Variants in ZNF546 observed in about 807,000 individuals in gnomAD.
The protein encoded by ZNF546 is zinc finger protein 546, also known as CTC-471F3.6.
Under a neutral mutation model 76.2 loss-of-function variants are expected in ZNF546, and 60 were observed. The observed-to-expected ratio is 0.79, with a 90% confidence interval of 0.64 to 0.98. The LOEUF (loss-of-function observed/expected upper bound fraction) is 0.98. Among genes scored for constraint, ZNF546 ranks in the 50% least tolerant of loss-of-function variants. The pLI is 0.00. For synonymous variants in ZNF546, 277 were observed against 328.1 expected (o/e 0.84, Z 1.68); for missense variants, 936 against 1,035.6 (o/e 0.90, Z 1.32).
chr19:40,002,738 C>T (rs1020397415), intron 3 of ZNF546, among the ~76,000 whole-genome samples: 2 of 147,940 alleles, frequency 1.4e-5, no homozygotes, highest in African/African-American at 5.1e-5. Flanking sequence ...CTCACTCTGT[C>T]GCCCAGGCTG....
At chr19:40,008,701 G>A (rs889489550) in intron 6 of ZNF546, 136 bp downstream of exon 6, 45 of 536,068 alleles carry the variant, frequency 8.4e-5, no homozygotes, top group South Asian at 1.2e-4. Flanking sequence ...ACTGATACCT[G>A]GGAAGCATTC....
chr19:40,014,982 A>G lies in ZNF546; in HGVS notation c.1712A>G (p.His571Arg). ...AFIHSNQFISHQRIHTSESTY... is the reference protein window; with the variant it reads ...AFIHSNQFISRQRIHTSESTY... ...ATTCATAGCAATCAATTTATTTCAC[A>G]CCAGCGAATTCACACCAGTGAGAGC... The change falls in exon 7 of 7, where the codon CAC (histidine) becomes CGC (arginine). Residue 571 changes from histidine (H) to arginine (R), a missense_variant. Transcript: ENST00000347077. 6.2e-7 allele frequency: 1 copy of G among 1,614,150 alleles called. No individual in the cohort carries two copies. Among genetic ancestry groups the G allele is most frequent in the South Asian group, 1.1e-5 (1 of 91,080 alleles).
chr19:40,012,959 AC>A lies in ZNF546; in HGVS notation c.395-703del, dbSNP rs1296597790. ...CTCCCGAGTAGCTGGGACTACAGGC[AC>A]CCGCCACCACGCCTGGCTAATTTTT... On this transcript the variant is annotated intron_variant, in intron 6 of 6. Coordinates refer to ENST00000347077, the MANE Select transcript of ZNF546 (RefSeq NM_178544.5). Among the ~76,000 whole-genome samples, 3 of 151,578 alleles carry A rather than the reference AC, an allele frequency of 2.0e-5. No individual in the cohort carries two copies. The South Asian group carries it at 6.3e-4, about 32-fold the overall frequency.
chr19:40,013,032 C>G (rs984553033), intron 6 of ZNF546, among the ~76,000 whole-genome samples: 3 of 152,138 alleles, frequency 2.0e-5, no homozygotes, highest in Non-Finnish European at 2.9e-5. Context: ...CCGGGATGGT[C>G]TCGATCTCCT....
At chr19:40,012,720 C>A (rs1458648869) in intron 6 of ZNF546, among the ~76,000 whole-genome samples, 2 of 152,078 alleles carry the variant, frequency 1.3e-5, no homozygotes, top group African/African-American at 4.8e-5. Context: ...TGGTTTGGTG[C>A]CTGAAGAACA....
At position 40,017,641 on chromosome 19, in the gene ZNF546, T is replaced by A. The variant is rs2144655660; in HGVS notation, c.*1860T>A. 2 of 152,214 alleles carry A rather than the reference T, an allele frequency of 1.3e-5. No individual in the cohort carries two copies. The highest frequency in any genetic ancestry group is 4.1e-4 in the South Asian group (2 of 4,826). 9.4% of individuals were successfully genotyped at this position (152,214 alleles called of 1,614,324 possible). ...GTCTTAAAACATGAGATTTTTTTTG[T>A]GATTTTTTTTAAGCTCATCCGCCAT... On this transcript the variant is annotated 3_prime_UTR_variant, in exon 7 of 7. Transcript: ENST00000347077.
Position 40,019,704 on chromosome 19 carries a change from C to T in ZNF546, c.*3923C>T, listed in dbSNP as rs961320407. On this transcript the variant is annotated 3_prime_UTR_variant, in exon 7 of 7. Transcript: ENST00000347077. ...AGGCAAAAATGTAGGTGAGTCATTA[C>T]GAAGAAAGCAGAAATTCTAAACCAT... 2 of 152,044 alleles carry T rather than the reference C, an allele frequency of 1.3e-5. No homozygotes were observed. The highest frequency in any genetic ancestry group is 2.9e-5 in the Non-Finnish European group (2 of 68,006). 9.4% of individuals were successfully genotyped at this position (152,044 alleles called of 1,614,324 possible). A position where few individuals can be genotyped will look rare whatever the true frequency, so the allele number is the denominator to read the frequency against.
chr19:40,012,770 C>T (rs144587924), intron 6 of ZNF546, among the ~76,000 whole-genome samples: 299 of 151,874 alleles, frequency 2.0e-3, no homozygotes, highest in African/African-American at 6.9e-3. Flanking sequence ...CCTAAATAAG[C>T]GGATCACTGA....
chr19:39,999,000 T>G (rs953445479), intron 3 of ZNF546, among the ~76,000 whole-genome samples: 18 of 152,230 alleles, frequency 1.2e-4, no homozygotes, highest in Non-Finnish European at 1.6e-4. Flanking sequence ...CTGGAACTCC[T>G]GACCTCAGGT....
At chr19:40,007,938 G>T (rs1051192946) in intron 5 of ZNF546, among the ~76,000 whole-genome samples, 4 of 152,114 alleles carry the variant, frequency 2.6e-5, no homozygotes, top group Non-Finnish European at 5.9e-5. Context: ...GAATATCTGA[G>T]GAAGAACCTG....
Position 40,017,638 on chromosome 19 carries a change from T to C in ZNF546, c.*1857T>C, listed in dbSNP as rs971567361. On this transcript the variant is annotated 3_prime_UTR_variant, in exon 7 of 7. Transcript: ENST00000347077. ...GCTGTCTTAAAACATGAGATTTTTT[T>C]TGTGATTTTTTTTAAGCTCATCCGC... 12 of 152,130 alleles carry C rather than the reference T, an allele frequency of 7.9e-5. No individual in the cohort carries two copies. Among genetic ancestry groups the C allele is most frequent in the Non-Finnish European group, 1.5e-4 (10 of 68,040 alleles). 9.4% of individuals were successfully genotyped at this position (152,130 alleles called of 1,614,324 possible).
At chr19:40,007,167 T>C (rs1167124462) in intron 4 of ZNF546, 107 bp from the exon 5 acceptor site, 2 of 772,920 alleles carry the variant, frequency 2.6e-6, no homozygotes, top group Admixed American at 7.3e-5. Flanking sequence ...CATTGCAGGC[T>C]TGAGCCCCAG....
In ZNF546 at chr19:40,015,170, G is replaced by GA. The variant is rs777527860; in HGVS notation, c.1905dup (p.Pro636ThrfsTer3). ...TCAGCATCACAGAATTCATACTGGT[G>GA]AAAAACCCTATAAATGTACAGAATG... On this transcript the variant is annotated frameshift_variant, in exon 7 of 7. Transcript: ENST00000347077. LOFTEE classifies it high-confidence loss of function. 1.2e-5 allele frequency: 20 copies of GA among 1,613,888 alleles called. No homozygotes were observed. The highest frequency in any genetic ancestry group is 1.6e-5 in the Non-Finnish European group (19 of 1,180,020).
chr19:40,013,344 A>C (rs965758615), intron 6 of ZNF546, among the ~76,000 whole-genome samples: 1 of 152,110 alleles, frequency 6.6e-6, no homozygotes, highest in Non-Finnish European at 1.5e-5. Context: ...TTGAAATTTA[A>C]ATTTCAGTGT....
intron 6 of ZNF546, among the ~76,000 whole-genome samples, chr19:40,010,021 T>C (rs567265232): frequency 3.9e-5 from 6 of 152,300 alleles, no homozygotes; most frequent in Non-Finnish European, 2.9e-5. Flanking sequence ...TGCTTTCATT[T>C]ATCTTGGGTA....
At position 40,015,854 on chromosome 19, in the gene ZNF546, C is replaced by T. The variant is rs546183510; in HGVS notation, c.*73C>T. The T allele has an allele frequency of 4.0e-5, 56 of 1,391,550 alleles. No homozygotes were observed. The highest frequency in any genetic ancestry group is 1.8e-4 in the Middle Eastern group (1 of 5,604). The allele number at this position is 1,391,550 out of a possible 1,614,324, so 86.2% of individuals were successfully genotyped here. ...AATTTAAGAAATTTTCTGTTTGTTACGGAACATGTGGGAATCCCTTTTACT... is the reference window on the plus strand; with the variant it reads ...AATTTAAGAAATTTTCTGTTTGTTATGGAACATGTGGGAATCCCTTTTACT... On this transcript the variant is annotated 3_prime_UTR_variant, in exon 7 of 7. Transcript: ENST00000347077.
chr19:40,004,842 G>A (rs1971583136), intron 3 of ZNF546, among the ~76,000 whole-genome samples: 1 of 151,744 alleles, frequency 6.6e-6, no homozygotes, highest in South Asian at 2.1e-4. Flanking sequence ...CTCCAATTTA[G>A]TATAGTATTT....
intron 5 of ZNF546, 58 bp downstream of exon 5, chr19:40,007,458 C>T (rs1031340996): frequency 1.4e-6 from 2 of 1,457,512 alleles, no homozygotes; most frequent in South Asian, 1.5e-5. Context: ...GCTTTCTCCA[C>T]TGTCAAACTT....
At position 40,015,683 on chromosome 19, in the gene ZNF546, T is replaced by A. The variant is rs371824172; in HGVS notation, c.2413T>A (p.Tyr805Asn). The change falls in exon 7 of 7, where the codon TAT (tyrosine) becomes AAT (asparagine). Residue 805 changes from tyrosine to asparagine, a missense_variant. Physicochemically the swap from Tyr to Asn is moderately radical, Grantham distance 143. Coordinates refer to ENST00000347077, the MANE Select transcript of ZNF546 (RefSeq NM_178544.5). ...HHRIHTGEKP[Y>N]QCKECGKAFI... ...CAGAATTCATACTGGTGAAAAACCC[T>A]ATCAATGTAAAGAATGTGGAAAAGC... The A allele has an allele frequency of 9.0e-5, 145 of 1,614,088 alleles. No homozygotes were observed. The highest frequency in any genetic ancestry group is 3.3e-4 in the Middle Eastern group (2 of 6,084).
Sources: gnomAD v4.1 joint callset for allele counts (sites outside exome capture counted in the v4.1 genomes callset) on GRCh38, gnomAD v4.1.1 for gene constraint, MANE v1.5 for transcripts, NCBI Gene and HGNC (gene_info 2026-07-23, HGNC 2026-07-21) for gene names.